IGSF10: variants seen among roughly 807,000 people sequenced by gnomAD.
IGSF10 encodes the protein immunoglobulin superfamily member 10.
A neutral mutation model predicts 128.2 loss-of-function variants in IGSF10; 126 were observed. The ratio of observed to expected loss-of-function variants is 0.98; its 90% CI spans 0.85 to 1.14. The LOEUF is 1.14. Among genes scored for constraint, IGSF10 ranks in the 50% most tolerant of loss-of-function variants. The pLI, the probability that IGSF10 is intolerant of heterozygous loss-of-function variation, is 0.00. For missense variants in IGSF10, 3,295 were observed against 3,149.8 expected (o/e 1.05, Z -1.10); for synonymous variants, 1,185 against 1,146.2 (o/e 1.03, Z -0.68).
chr3:151,447,218 T>TG lies in IGSF10; in HGVS notation c.2762dup (p.Ile922AsnfsTer16). 6.2e-7 allele frequency: 1 copy of TG among 1,614,210 alleles called. No homozygotes were observed. The highest frequency in any genetic ancestry group is 8.5e-7 in the Non-Finnish European group (1 of 1,180,036). On this transcript the variant is annotated frameshift_variant, in exon 6 of 8. Transcript: ENST00000282466. LOFTEE classifies it high-confidence loss of function. ...CTTTGATCATAGTCCTTACTGTTAT[T>TG]GGGGGTCTACTTTGGAAATGCTCTC...
the IGSF10 span, among the ~76,000 whole-genome samples, chr3:151,488,849 A>G: frequency 1.3e-5 from 2 of 152,130 alleles, no homozygotes; most frequent in African/African-American, 2.4e-5. Context: ...ACTTAAATGT[A>G]AGACCTAAAA....
chr3:151,617,361 C>CTCCTCCTCCTCCTTG, the IGSF10 span, among the ~76,000 whole-genome samples: 1 of 131,348 alleles, frequency 7.6e-6, no homozygotes, highest in Non-Finnish European at 1.6e-5. Flanking sequence ...CCTCCTCCTT[C>CTCCTCCTCCTCCTTG]TCCTTCTTCT....
intron 4 of IGSF10, among the ~76,000 whole-genome samples, chr3:151,456,200 A>G (rs1358187513): frequency 2.6e-5 from 4 of 152,236 alleles, no homozygotes; most frequent in African/African-American, 4.8e-5. Context: ...TAGCTACATT[A>G]TACTCTATTG....
chr3:151,583,631 C>T, the IGSF10 span, among the ~76,000 whole-genome samples: 7 of 152,150 alleles, frequency 4.6e-5, no homozygotes, highest in East Asian at 1.9e-4. Flanking sequence ...ATGTAAATGA[C>T]GAGTTAATAG....
At chr3:151,596,367 G>A in the IGSF10 span, among the ~76,000 whole-genome samples, 1 of 152,012 alleles carries the variant, frequency 6.6e-6, no homozygotes. Context: ...ATGTTTATTT[G>A]CATGCTTGAC....
chr3:151,608,032 G>A, the IGSF10 span, among the ~76,000 whole-genome samples: 1 of 150,852 alleles, frequency 6.6e-6, no homozygotes, highest in African/African-American at 2.4e-5. Flanking sequence ...AACTATAAAT[G>A]TCCTGTGGTC....
chr3:151,586,206 C>T, the IGSF10 span, among the ~76,000 whole-genome samples: 1 of 152,238 alleles, frequency 6.6e-6, no homozygotes, highest in Non-Finnish European at 1.5e-5. Flanking sequence ...GCGATCCGCC[C>T]ACCTCAGCCT....
At chr3:151,608,661 G>A in the IGSF10 span, among the ~76,000 whole-genome samples, 1 of 152,096 alleles carries the variant, frequency 6.6e-6, no homozygotes, top group Non-Finnish European at 1.5e-5. Context: ...TTGACCTAAA[G>A]GTCCTTCAGT....
chr3:151,502,788 A>C, the IGSF10 span, among the ~76,000 whole-genome samples: 1 of 152,104 alleles, frequency 6.6e-6, no homozygotes, highest in Non-Finnish European at 1.5e-5. Context: ...ATCTTCCTTA[A>C]AATCTACGAA....
chr3:151,444,668 C>CATAATTTGAAATA (rs1339278096), intron 6 of IGSF10, among the ~76,000 whole-genome samples: 1 of 152,140 alleles, frequency 6.6e-6, no homozygotes, highest in Non-Finnish European at 1.5e-5. Flanking sequence ...ACACAATAAC[C>CATAATTTGAAATA]ATTCTCTCTT....
the IGSF10 span, among the ~76,000 whole-genome samples, chr3:151,488,826 A>C: frequency 2.0e-5 from 3 of 152,232 alleles, no homozygotes; most frequent in Non-Finnish European, 2.9e-5. Flanking sequence ...AAGTAACTCA[A>C]GATGTATTAA....
At chr3:151,576,849 T>A in the IGSF10 span, among the ~76,000 whole-genome samples, 1 of 152,150 alleles carries the variant, frequency 6.6e-6, no homozygotes, top group African/African-American at 2.4e-5. Flanking sequence ...AGAAAACTCA[T>A]GAATAATCCA....
At chr3:151,554,058 A>T in the IGSF10 span, among the ~76,000 whole-genome samples, 1 of 151,850 alleles carries the variant, frequency 6.6e-6, no homozygotes, top group African/African-American at 2.4e-5. Context: ...AGGCAGGAGG[A>T]TTGCTTAAGC....
chr3:151,482,287 T>C, the IGSF10 span, among the ~76,000 whole-genome samples: 21 of 151,902 alleles, frequency 1.4e-4, no homozygotes, highest in Admixed American at 1.0e-3. Flanking sequence ...AGAATACAAA[T>C]AGACAGTTCA....
At chr3:151,575,774 T>C in the IGSF10 span, among the ~76,000 whole-genome samples, 2 of 152,118 alleles carry the variant, frequency 1.3e-5, no homozygotes, top group Non-Finnish European at 2.9e-5. Context: ...GGTACCTCAG[T>C]TGGAAATGCA....
Position 151,437,536 on chromosome 3 carries a change from G to T in IGSF10, c.7025C>A (p.Pro2342Gln). ...EMLRRPTFRN[P>Q]FNEKIVAQLG... ...CTGGGCAACTATTTTTTCATTAAAT[G>T]GATTTCTAAATGTCGGTCTTCTCAG... Residue 2342 changes from proline (P) to glutamine (Q), a missense_variant, in exon 8 of 8, where the codon CCA (proline) becomes CAA (glutamine). Coordinates refer to ENST00000282466, the MANE Select transcript of IGSF10 (RefSeq NM_178822.5). 1 of 1,614,132 alleles carries T rather than the reference G, an allele frequency of 6.2e-7. No homozygotes were observed. Among genetic ancestry groups the T allele is most frequent in the South Asian group, 1.1e-5 (1 of 91,082 alleles).
At chr3:151,518,059 AG>A in the IGSF10 span, among the ~76,000 whole-genome samples, 1 of 151,938 alleles carries the variant, frequency 6.6e-6, no homozygotes, top group Non-Finnish European at 1.5e-5. Flanking sequence ...GATGACCAAA[AG>A]GGGTAATTGT....
At chr3:151,444,035 AGGC>A in intron 6 of IGSF10, 151 bp from the exon 7 acceptor site, 3 of 638,356 alleles carry the variant, frequency 4.7e-6, no homozygotes, top group Non-Finnish European at 7.9e-6. Flanking sequence ...ACACTTTGGG[AGGC>A]TGAGGTGGGA....
rs770928643 is a variant in IGSF10 at position 151,447,550 on chromosome 3, T to C, written c.2431A>G (p.Thr811Ala). 8 of 1,614,080 alleles carry C rather than the reference T, an allele frequency of 5.0e-6. No individual in the cohort carries two copies. Among genetic ancestry groups the C allele is most frequent in the African/African-American group, 2.7e-5 (2 of 74,916 alleles). Residue 811 changes from threonine to alanine, a missense_variant, in exon 6 of 8, where the codon ACT becomes GCT. Thr to Ala is a moderately conservative substitution (Grantham distance 58, BLOSUM62 0). Transcript: ENST00000282466. ...ALHEEFMVPA[T>A]KALNLPARTV... ...CTTGCTGGAAGGTTCAAAGCTTTAG[T>C]GGCCGGGACCATAAATTCCTCATGT... is the stretch of plus-strand genomic sequence containing the variant.
Sources: gnomAD v4.1 joint callset for allele counts (sites outside exome capture counted in the v4.1 genomes callset) on GRCh38, gnomAD v4.1.1 for gene constraint, MANE v1.5 for transcripts, NCBI Gene and HGNC (gene_info 2026-07-23, HGNC 2026-07-21) for gene names.